The following HOXD8 variants were observed in gnomAD, a reference collection of about 807,000 sequenced individuals.
The protein encoded by HOXD8 is homeobox D8.
Under a neutral mutation model 25.4 loss-of-function variants are expected in HOXD8, and 17 were observed. That is an observed-to-expected ratio of 0.67 (90% CI 0.46 to 1.00). The LOEUF (loss-of-function observed/expected upper bound fraction) is 1.00. HOXD8 is among the 50% of genes least tolerant of loss of function. The pLI, the probability that HOXD8 is intolerant of heterozygous loss-of-function variation, is 0.00. For synonymous variants in HOXD8, 203 were observed against 175.3 expected (o/e 1.16, Z -1.25); for missense variants, 511 against 398.5 (o/e 1.28, Z -2.40).
Position 176,131,255 on chromosome 2 carries a change from C to T in HOXD8, c.578-62C>T, listed in dbSNP as rs1049250302. The T allele has an allele frequency of 8.5e-5, 126 of 1,481,886 alleles. No individual in the cohort carries two copies. In the Admixed American group the frequency reaches 1.1e-3, roughly 13 times the overall value. 91.8% of individuals were successfully genotyped at this position (1,481,886 alleles called of 1,614,324 possible). On this transcript the variant is annotated intron_variant, in intron 1 of 1. Coordinates refer to ENST00000313173, the MANE Select transcript of HOXD8 (RefSeq NM_019558.4). ...CGTTCCACAAACCTCCAGCAACATGCAGAGGTACCATAACATTTTTAAAAC... is the reference window on the plus strand; with the variant it reads ...CGTTCCACAAACCTCCAGCAACATGTAGAGGTACCATAACATTTTTAAAAC...
chr2:176,130,567 GGCGCAC>G lies in HOXD8; in HGVS notation c.208_213del (p.Ala70_His71del), dbSNP rs1366630467. The G allele has an allele frequency of 7.0e-7, 1 of 1,429,984 alleles. No individual in the cohort carries two copies. The highest frequency in any genetic ancestry group is 2.6e-5 in the Admixed American group (1 of 38,036). The allele number at this position is 1,429,984 out of a possible 1,614,324, so 88.6% of individuals were successfully genotyped here. ...CCGGCTTCCCGCACGCGCCCCCGCA[GGCGCAC>G]GCGCACCCGCACCCGTCCCCGCCGC... On this transcript the variant is annotated inframe_deletion, in exon 1 of 2. Coordinates refer to ENST00000313173, the MANE Select transcript of HOXD8 (RefSeq NM_019558.4).
intron 1 of HOXD8, 141 bp downstream of exon 1, chr2:176,131,084 A>G (rs1690099008): frequency 1.4e-6 from 1 of 696,976 alleles, no homozygotes; most frequent in Non-Finnish European, 2.3e-6. Flanking sequence ...ATAAAGTAAT[A>G]CAGACTTTTT....
At chr2:176,131,216 A>AC (rs1690104244) in intron 1 of HOXD8, 101 bp from the exon 2 acceptor site, 2 of 1,087,050 alleles carry the variant, frequency 1.8e-6, no homozygotes, top group Non-Finnish European at 2.7e-6. Context: ...TGTATATTTC[A>AC]CCCCGTAGAC....
Position 176,130,581 on chromosome 2 carries a change from C to T in HOXD8, c.215C>T (p.Pro72Leu). Residue 72 changes from proline (P) to leucine (L), a missense_variant, in exon 1 of 2, where the codon CCG becomes CTG. Coordinates refer to ENST00000313173, the MANE Select transcript of HOXD8 (RefSeq NM_019558.4). ...GCGCCCCCGCAGGCGCACGCGCACC[C>T]GCACCCGTCCCCGCCGCCCTCCGGG... ...PHAPPQAHAH[P>L]HPSPPPSGTG... 6.9e-7 allele frequency: 1 copy of T among 1,458,570 alleles called. No individual in the cohort carries two copies. The highest frequency in any genetic ancestry group is 9.0e-7 in the Non-Finnish European group (1 of 1,116,150). 90.4% of individuals were successfully genotyped at this position (1,458,570 alleles called of 1,614,324 possible).
intron 1 of HOXD8, 144 bp downstream of exon 1, chr2:176,131,087 G>A: frequency 1.4e-6 from 1 of 690,686 alleles, no homozygotes; most frequent in Non-Finnish European, 2.4e-6. Context: ...AAGTAATACA[G>A]ACTTTTTTTA....
chr2:176,130,116 G>A lies in HOXD8; in HGVS notation c.-251G>A, dbSNP rs1690048718. ...GGGCGAGGCCCCGCGACCCGCGAGG[G>A]AGGCGGCGCGAAGCCGAGGCGGCGG... On this transcript the variant is annotated 5_prime_UTR_variant, in exon 1 of 2. Coordinates refer to ENST00000313173, the MANE Select transcript of HOXD8 (RefSeq NM_019558.4). 1.9e-5 allele frequency: 3 copies of A among 156,628 alleles called. No homozygotes were observed. 9.7% of individuals were successfully genotyped at this position (156,628 alleles called of 1,614,324 possible). A position where few individuals can be genotyped will look rare whatever the true frequency, so the allele number is the denominator to read the frequency against.
In HOXD8 at chr2:176,130,687, C is replaced by A; in HGVS notation, c.321C>A (p.Ala107=). Residue 107 remains alanine (A), a synonymous_variant, in exon 1 of 2, where the codon GCC becomes GCA. Transcript: ENST00000313173. The part of the protein sequence containing the change: ...GGGSPAAAYQ[A]APPPPPHPPP... ...GCAGCCCGGCCGCTGCCTACCAGGC[C>A]GCCCCCCCTCCTCCTCCGCATCCTC... is the stretch of plus-strand genomic sequence containing the variant. 2 of 1,578,842 alleles carry A rather than the reference C, an allele frequency of 1.3e-6. No individual in the cohort carries two copies. The highest frequency in any genetic ancestry group is 8.6e-7 in the Non-Finnish European group (1 of 1,162,834).
Position 176,131,307 on chromosome 2 carries a change from T to C in HOXD8, c.578-10T>C. The C allele has an allele frequency of 6.4e-7, 1 of 1,561,048 alleles. No individual in the cohort carries two copies. The highest frequency in any genetic ancestry group is 8.6e-7 in the Non-Finnish European group (1 of 1,157,886). ...TTTATTCCCCCCCCCTTTTTTTTTG[T>C]TTTAATCAGCAGCTCCTGGTAGACG... On this transcript the variant is annotated splice_polypyrimidine_tract_variant and intron_variant, in intron 1 of 1. Coordinates refer to ENST00000313173, the MANE Select transcript of HOXD8 (RefSeq NM_019558.4).
Position 176,131,395 on chromosome 2 carries a change from A to AC in HOXD8, c.660dup (p.Tyr221LeufsTer120). The AC allele has an allele frequency of 3.7e-6, 6 of 1,612,956 alleles. No individual in the cohort carries two copies. The highest frequency in any genetic ancestry group is 5.1e-6 in the Non-Finnish European group (6 of 1,179,568). On this transcript the variant is annotated frameshift_variant, in exon 2 of 2. Coordinates refer to ENST00000313173, the MANE Select transcript of HOXD8 (RefSeq NM_019558.4). LOFTEE classifies it high-confidence loss of function. ...GAGTTGGAAAAGGAATTTCTTTTTA[A>AC]CCCCTATCTGACCAGGAAAAGAAGA... is the stretch of plus-strand genomic sequence containing the variant.
In HOXD8 at chr2:176,130,041, G is replaced by A. The variant is rs941750682; in HGVS notation, c.-326G>A. On this transcript the variant is annotated 5_prime_UTR_variant, in exon 1 of 2. Transcript: ENST00000313173. ...GGGCGTCGGCGATTATATTGCGGCC[G>A]AGCCGGGGCGCGCCGGGAAAGGCCG... The A allele has an allele frequency of 6.6e-6, 1 of 150,678 alleles. No homozygotes were observed. The highest frequency in any genetic ancestry group is 1.5e-5 in the Non-Finnish European group (1 of 67,562). 9.3% of individuals were successfully genotyped at this position (150,678 alleles called of 1,614,324 possible).
At position 176,131,622 on chromosome 2, in the gene HOXD8, T is replaced by G; in HGVS notation, c.*10T>G. ...AGGCCTGACAAATTAACTTCTACCT[T>G]TAAAATTTACCACAGACTATTAAAA... On this transcript the variant is annotated 3_prime_UTR_variant, in exon 2 of 2. Coordinates refer to ENST00000313173, the MANE Select transcript of HOXD8 (RefSeq NM_019558.4). 1 of 1,447,382 alleles carries G rather than the reference T, an allele frequency of 6.9e-7. No homozygotes were observed. Among genetic ancestry groups the G allele is most frequent in the Non-Finnish European group, 9.5e-7 (1 of 1,048,670 alleles). The allele number at this position is 1,447,382 out of a possible 1,614,324, so 89.7% of individuals were successfully genotyped here.
rs1690133752 is a variant in HOXD8, at chr2:176,132,426, A to G, written c.*814A>G. ...GCCCTTGTAATCGCCTGAAATCGCT[A>G]GTTCTTTATGCGGTGGCTGCCGCTG... On this transcript the variant is annotated 3_prime_UTR_variant, in exon 2 of 2. Coordinates refer to ENST00000313173, the MANE Select transcript of HOXD8 (RefSeq NM_019558.4). 6.6e-6 allele frequency: 1 copy of G among 152,166 alleles called. No individual in the cohort carries two copies. Among genetic ancestry groups the G allele is most frequent in the South Asian group, 2.1e-4 (1 of 4,832 alleles). The allele number at this position is 152,166 out of a possible 1,614,324, so 9.4% of individuals were successfully genotyped here.
Position 176,130,765 on chromosome 2 carries a change from C to T in HOXD8, c.399C>T (p.Pro133=), listed in dbSNP as rs781108923. The change falls in exon 1 of 2, where the codon CCC becomes CCT. Residue 133 remains proline (P), a synonymous_variant. Coordinates refer to ENST00000313173, the MANE Select transcript of HOXD8 (RefSeq NM_019558.4). ...PCGGIACHGE[P]AKFYGYDNLQ... ...GCGGGATTGCCTGTCACGGGGAGCC[C>T]GCGAAGTTTTACGGATACGATAACT... 4 of 1,611,020 alleles carry T rather than the reference C, an allele frequency of 2.5e-6. No homozygotes were observed. The African/African-American group carries it at 4.0e-5, about 16-fold the overall frequency.
At position 176,131,699 on chromosome 2, in the gene HOXD8, A is replaced by T; in HGVS notation, c.*87A>T. The stretch of plus-strand genomic sequence containing the variant: ...CCACCTATTTTCTTTGTTGGAAAGG[A>T]CCTTACCTGTGTTTCAAGCTACCTT... On this transcript the variant is annotated 3_prime_UTR_variant, in exon 2 of 2. Coordinates refer to ENST00000313173, the MANE Select transcript of HOXD8 (RefSeq NM_019558.4). The T allele has an allele frequency of 1.4e-6, 1 of 715,686 alleles. No individual in the cohort carries two copies. Among genetic ancestry groups the T allele is most frequent in the Non-Finnish European group, 2.3e-6 (1 of 428,886 alleles). 44.3% of individuals were successfully genotyped at this position (715,686 alleles called of 1,614,324 possible). A position where few individuals can be genotyped will look rare whatever the true frequency, so the allele number is the denominator to read the frequency against.
Position 176,130,526 on chromosome 2 carries a change from T to C in HOXD8, c.160T>C (p.Tyr54His), listed in dbSNP as rs973266790. Residue 54 changes from tyrosine (Y) to histidine (H), a missense_variant, in exon 1 of 2, where the codon TAT becomes CAT. Physicochemically the swap from Tyr to His is moderately conservative, Grantham distance 83. Transcript: ENST00000313173. ...HAAAAAALQL[Y>H]GNSAAGFPHA... ...CGCCGCCGCAGCAGCCCTGCAGCTC[T>C]ATGGCAACAGCGCCGCCGGCTTCCC... 1.1e-5 allele frequency: 17 copies of C among 1,483,570 alleles called. No homozygotes were observed. The African/African-American group carries it at 1.3e-4, about 12-fold the overall frequency. 91.9% of individuals were successfully genotyped at this position (1,483,570 alleles called of 1,614,324 possible).
rs771371075 is a variant in HOXD8, at chr2:176,131,399, C to T, written c.660C>T (p.Pro220=). ...LELEKEFLFN[P]YLTRKRRIEV... Reference sequence around the variant, plus strand: ...TGGAAAAGGAATTTCTTTTTAACCCCTATCTGACCAGGAAAAGAAGAATCG... The same window carrying T: ...TGGAAAAGGAATTTCTTTTTAACCCTTATCTGACCAGGAAAAGAAGAATCG... The change falls in exon 2 of 2, where the codon CCC becomes CCT. Residue 220 remains proline (P), a synonymous_variant. Transcript: ENST00000313173. 2 of 1,613,748 alleles carry T rather than the reference C, an allele frequency of 1.2e-6. No homozygotes were observed. The highest frequency in any genetic ancestry group is 1.3e-5 in the African/African-American group (1 of 74,862).
At chr2:176,131,294 C>A (rs77405049) in intron 1 of HOXD8, 23 bp from the exon 2 acceptor site, 3 of 1,538,986 alleles carry the variant, frequency 1.9e-6, no homozygotes, top group Non-Finnish European at 1.8e-6. Context: ...TATTCCCCCC[C>A]CCTTTTTTTT....
rs1690066334 is a variant in HOXD8 at position 176,130,514 on chromosome 2, G to A, written c.148G>A (p.Ala50Thr). 2 of 1,492,434 alleles carry A rather than the reference G, an allele frequency of 1.3e-6. No individual in the cohort carries two copies. Among genetic ancestry groups the A allele is most frequent in the South Asian group, 1.3e-5 (1 of 79,888 alleles). The allele number at this position is 1,492,434 out of a possible 1,614,324, so 92.4% of individuals were successfully genotyped here. The part of the protein sequence containing the change: ...VGGRHAAAAA[A>T]LQLYGNSAAG... Reference sequence around the variant, plus strand: ...CGGCCGTCACGCCGCCGCCGCAGCAGCCCTGCAGCTCTATGGCAACAGCGC... The same window carrying A: ...CGGCCGTCACGCCGCCGCCGCAGCAACCCTGCAGCTCTATGGCAACAGCGC... The change falls in exon 1 of 2, where the codon GCC becomes ACC. Residue 50 changes from alanine to threonine, a missense_variant. By Grantham distance (58) the Ala-to-Thr change is moderately conservative (BLOSUM62 0). Coordinates refer to ENST00000313173, the MANE Select transcript of HOXD8 (RefSeq NM_019558.4).
chr2:176,130,288 C>T lies in HOXD8; in HGVS notation c.-79C>T. On this transcript the variant is annotated 5_prime_UTR_variant, in exon 1 of 2. Coordinates refer to ENST00000313173, the MANE Select transcript of HOXD8 (RefSeq NM_019558.4). ...GCAGCCGCCCCACAGGCCCCCGCGGCAGTGCGGCCGAGTCGAGGCTCGCTC... is the reference window on the plus strand; with the variant it reads ...GCAGCCGCCCCACAGGCCCCCGCGGTAGTGCGGCCGAGTCGAGGCTCGCTC... 1 of 889,344 alleles carries T rather than the reference C, an allele frequency of 1.1e-6. No individual in the cohort carries two copies. The highest frequency in any genetic ancestry group is 1.5e-6 in the Non-Finnish European group (1 of 669,890). The allele number at this position is 889,344 out of a possible 1,614,324, so 55.1% of individuals were successfully genotyped here.
Sources: allele counts gnomAD v4.1 joint callset, GRCh38; gene constraint gnomAD v4.1.1; transcripts MANE v1.5; gene names NCBI Gene and HGNC (gene_info 2026-07-23, HGNC 2026-07-21).